Variants in WNT7A observed in about 807,000 individuals in gnomAD.
WNT7A encodes protein Wnt-7a.
Under a neutral mutation model 28.2 loss-of-function variants are expected in WNT7A, and 16 were observed. The observed-to-expected ratio is 0.57, with a 90% confidence interval of 0.38 to 0.86. The LOEUF (loss-of-function observed/expected upper bound fraction) is 0.86, where lower values mean the gene tolerates loss of function less well. Ranked by LOEUF, WNT7A falls within the 40% of genes least tolerant of loss-of-function variation. The pLI, the probability that WNT7A is intolerant of heterozygous loss-of-function variation, is 0.00. For synonymous variants in WNT7A, 190 were observed against 195.9 expected (o/e 0.97, Z 0.25); for missense variants, 411 against 489.7 (o/e 0.84, Z 1.52).
chr3:13,864,940 T>C (rs1040740642), intron 2 of WNT7A, among the ~76,000 whole-genome samples: 4 of 152,200 alleles, frequency 2.6e-5, no homozygotes, highest in African/African-American at 9.6e-5. Flanking sequence ...TCGCTGCCCA[T>C]GGCAATGTCC....
rs1402310405 is a variant in WNT7A at position 13,859,256 on chromosome 3, C to A, written c.299-4453G>T. On this transcript the variant is annotated intron_variant, in intron 2 of 3. Transcript: ENST00000285018. ...ATGACAGGGACCATATCTGTCACTC[C>A]CACCGTCTCCAACCTCCTCCAAAAT... Among the ~76,000 whole-genome samples, 5 of 152,272 alleles carry A rather than the reference C, an allele frequency of 3.3e-5. No individual in the cohort carries two copies. In the East Asian group the frequency reaches 9.7e-4, roughly 29 times the overall value.
At chr3:13,821,662 C>G (rs1163246257) in intron 3 of WNT7A, among the ~76,000 whole-genome samples, 1 of 152,168 alleles carries the variant, frequency 6.6e-6, no homozygotes, top group Non-Finnish European at 1.5e-5. Context: ...CAGAAGCAAG[C>G]CAGAAATGAT....
intron 3 of WNT7A, among the ~76,000 whole-genome samples, chr3:13,841,782 T>G (rs1694461649): frequency 6.6e-6 from 1 of 152,144 alleles, no homozygotes; most frequent in Admixed American, 6.5e-5. Flanking sequence ...AAAGTACCAA[T>G]ATTATATCAG....
intron 2 of WNT7A, among the ~76,000 whole-genome samples, chr3:13,866,796 G>A (rs943416359): frequency 6.6e-6 from 1 of 152,122 alleles, no homozygotes; most frequent in Non-Finnish European, 1.5e-5. Flanking sequence ...GATGCCACAC[G>A]GAGCAACACG....
In WNT7A at chr3:13,818,351, C is replaced by CAAAAAAAAAATAAAAAAAA. The variant is rs1694047442; in HGVS notation, c.*592_*593insTTTTTTTTATTTTTTTTTT. 1 of 79,952 alleles carries CAAAAAAAAAATAAAAAAAA rather than the reference C, an allele frequency of 1.3e-5. No homozygotes were observed. Among genetic ancestry groups the CAAAAAAAAAATAAAAAAAA allele is most frequent in the Non-Finnish European group, 2.5e-5 (1 of 40,528 alleles). 5.0% of individuals were successfully genotyped at this position (79,952 alleles called of 1,614,324 possible). A position where few individuals can be genotyped will look rare whatever the true frequency, so the allele number is the denominator to read the frequency against. On this transcript the variant is annotated 3_prime_UTR_variant, in exon 4 of 4. Coordinates refer to ENST00000285018, the MANE Select transcript of WNT7A (RefSeq NM_004625.4). ...TTTCTGGATAAGTAGCAGCAAACAG[C>CAAAAAAAAAATAAAAAAAA]AAAAAAAAAAAAAAAAATGTGTGTG... is the stretch of plus-strand genomic sequence containing the variant.
chr3:13,837,379 TC>T (rs1289877661), intron 3 of WNT7A, among the ~76,000 whole-genome samples: 3 of 144,060 alleles, frequency 2.1e-5, no homozygotes, highest in Non-Finnish European at 4.5e-5. Context: ...CTGTCTCACA[TC>T]CCCCCGGCCA....
intron 3 of WNT7A, among the ~76,000 whole-genome samples, chr3:13,833,539 C>T (rs1694316088): frequency 6.6e-6 from 1 of 152,200 alleles, no homozygotes; most frequent in African/African-American, 2.4e-5. Flanking sequence ...AGTCGAGCCC[C>T]ACACAGTGCA....
chr3:13,874,993 G>A lies in WNT7A; in HGVS notation c.252C>T (p.Cys84=), dbSNP rs1449431504. 1.9e-6 allele frequency: 3 copies of A among 1,614,214 alleles called. No homozygotes were observed. The Admixed American group carries it at 5.0e-5, about 27-fold the overall frequency. ...QFQFRNGRWN[C]SALGERTVFG... is the part of the protein sequence containing the mutation. ...AGACGGTGCGCTCTCCCAGTGCAGAGCAGTTCCAGCGGCCATTGCGGAACT... is the reference window on the plus strand; with the variant it reads ...AGACGGTGCGCTCTCCCAGTGCAGAACAGTTCCAGCGGCCATTGCGGAACT... The change falls in exon 2 of 4, where the codon TGC becomes TGT. Residue 84 remains cysteine, a synonymous_variant. Coordinates refer to ENST00000285018, the MANE Select transcript of WNT7A (RefSeq NM_004625.4).
At chr3:13,870,661 G>T (rs865799289) in intron 2 of WNT7A, among the ~76,000 whole-genome samples, 1 of 152,194 alleles carries the variant, frequency 6.6e-6, no homozygotes, top group Non-Finnish European at 1.5e-5. Context: ...GGTCCAATCC[G>T]AGTGAATCTT....
intron 3 of WNT7A, among the ~76,000 whole-genome samples, chr3:13,848,067 T>TTTA (rs111474474): frequency 6.6e-6 from 1 of 151,568 alleles, no homozygotes; most frequent in African/African-American, 2.4e-5. Flanking sequence ...ATGAATTTTT[T>TTTA]AAAAAAAACA....
At chr3:13,871,700 A>G (rs1024593679) in intron 2 of WNT7A, among the ~76,000 whole-genome samples, 1 of 152,038 alleles carries the variant, frequency 6.6e-6, no homozygotes, top group Non-Finnish European at 1.5e-5. Flanking sequence ...ACTGAGGCTG[A>G]GCCACCATCA....
chr3:13,864,288 C>G (rs998958739), intron 2 of WNT7A, among the ~76,000 whole-genome samples: 1 of 152,190 alleles, frequency 6.6e-6, no homozygotes, highest in African/African-American at 2.4e-5. Context: ...CCCCCTGAGT[C>G]TGGTCCCAAA....
chr3:13,856,893 A>AAGAAGAAGAAGAAGAAGAAGAAGAAG (rs1694742752), intron 2 of WNT7A, among the ~76,000 whole-genome samples: 2 of 73,288 alleles, frequency 2.7e-5, no homozygotes, highest in African/African-American at 6.6e-5. Flanking sequence ...AGAAGAAGAA[A>AAGAAGAAGAAGAAGAAGAAGAAGAAG]AAGAAGAAGA....
chr3:13,878,369 G>A (rs1695144424), intron 1 of WNT7A, among the ~76,000 whole-genome samples: 1 of 152,228 alleles, frequency 6.6e-6, no homozygotes, highest in Non-Finnish European at 1.5e-5. Context: ...CCTGGATGCT[G>A]AATGTGCGCG....
At chr3:13,856,957 A>AAAAAGAAGAAGG in intron 2 of WNT7A, among the ~76,000 whole-genome samples, 1 of 105,796 alleles carries the variant, frequency 9.5e-6, no homozygotes, top group South Asian at 3.3e-4. Context: ...GAAGAAGAAG[A>AAAAAGAAGAAGG]AGAAGAAGAA....
chr3:13,871,017 T>C (rs565276583), intron 2 of WNT7A, among the ~76,000 whole-genome samples: 1 of 152,234 alleles, frequency 6.6e-6, no homozygotes, highest in Non-Finnish European at 1.5e-5. Flanking sequence ...AGGCATGCGA[T>C]GAAGAACTCT....
intron 2 of WNT7A, among the ~76,000 whole-genome samples, chr3:13,857,786 A>C (rs964212592): frequency 6.6e-6 from 1 of 152,208 alleles, no homozygotes; most frequent in South Asian, 2.1e-4. Flanking sequence ...AAGGACAATC[A>C]GATGGAGGGC....
At chr3:13,854,164 G>C (rs1411806775) in intron 3 of WNT7A, among the ~76,000 whole-genome samples, 1 of 151,960 alleles carries the variant, frequency 6.6e-6, no homozygotes, top group African/African-American at 2.4e-5. Flanking sequence ...AAGGGAAGGA[G>C]GGACGGAGGG....
chr3:13,830,206 G>A (rs1384721325), intron 3 of WNT7A, among the ~76,000 whole-genome samples: 1 of 152,140 alleles, frequency 6.6e-6, no homozygotes, highest in African/African-American at 2.4e-5. Flanking sequence ...CAAGCCAGCT[G>A]ATCACATGGT....
Sources: gnomAD v4.1 joint callset for allele counts (sites outside exome capture counted in the v4.1 genomes callset) on GRCh38, gnomAD v4.1.1 for gene constraint, MANE v1.5 for transcripts, NCBI Gene and HGNC (gene_info 2026-07-23, HGNC 2026-07-21) for gene names.